The following ATG5 variants were observed in gnomAD, a reference collection of about 807,000 sequenced individuals.
ATG5 encodes the protein autophagy related 5.
ATG5 carries 14 observed loss-of-function variants against 36.5 expected under a neutral mutation model. That is an observed-to-expected ratio of 0.38 (90% CI 0.25 to 0.60). The LOEUF is 0.60. Ranked by LOEUF, ATG5 falls within the 20% of genes least tolerant of loss-of-function variation. The pLI is 0.60. For synonymous variants in ATG5, 95 were observed against 101.5 expected (o/e 0.94, Z 0.38); for missense variants, 195 against 326.7 (o/e 0.60, Z 3.11).
At position 106,240,255 on chromosome 6, in the gene ATG5, C is replaced by G. The variant is rs548305698; in HGVS notation, c.573+7895G>C. The stretch of plus-strand genomic sequence containing the variant: ...TTTTTTATATAGATATCATAAAAAT[C>G]AAGATGAATTATACAGTTATATTTT... On this transcript the variant is annotated intron_variant, in intron 6 of 7. Transcript: ENST00000369076. 9.3e-5 allele frequency among the ~76,000 whole-genome samples: 14 copies of G among 150,308 alleles called. No individual in the cohort carries two copies. In the East Asian group the frequency reaches 2.7e-3, roughly 29 times the overall value.
chr6:106,245,427 G>A (rs1778291061), intron 6 of ATG5, among the ~76,000 whole-genome samples: 1 of 152,148 alleles, frequency 6.6e-6, no homozygotes, highest in South Asian at 2.1e-4. Context: ...ACAAACAAAA[G>A]TCATAGTTTG....
chr6:106,220,520 T>C (rs967552087), intron 6 of ATG5, among the ~76,000 whole-genome samples: 2 of 152,190 alleles, frequency 1.3e-5, no homozygotes, highest in Admixed American at 1.3e-4. Context: ...GATAGGACAT[T>C]AGTCTTTGTA....
intron 6 of ATG5, among the ~76,000 whole-genome samples, chr6:106,214,678 T>C (rs1776974094): frequency 6.6e-6 from 1 of 152,316 alleles, no homozygotes; most frequent in Admixed American, 6.5e-5. Context: ...TACAAACACT[T>C]GAGGCAAATT....
At position 106,310,310 on chromosome 6, in the gene ATG5, C is replaced by T. The variant is rs565945548; in HGVS notation, c.109-1819G>A. On this transcript the variant is annotated intron_variant, in intron 2 of 7. Coordinates refer to ENST00000369076, the MANE Select transcript of ATG5 (RefSeq NM_004849.4). ...TGAAATGTAGCTGCAATTTTCTGTT[C>T]CGTTTGGCCTGTGGGAGTAATCTTT... Among the ~76,000 whole-genome samples the T allele has an allele frequency of 3.9e-5, 6 of 152,188 alleles. 1 individual carries two copies. The highest frequency in any genetic ancestry group is 3.9e-4 in the Admixed American group (6 of 15,284).
At chr6:106,316,633 C>T (rs1770861933) in intron 1 of ATG5, among the ~76,000 whole-genome samples, 1 of 152,170 alleles carries the variant, frequency 6.6e-6, no homozygotes, top group Non-Finnish European at 1.5e-5. Context: ...CAGTCCAACT[C>T]CAAAGGATCA....
Position 106,308,454 on chromosome 6 carries a change from G to GT in ATG5, c.145dup (p.Thr49AsnfsTer2). 1 of 1,595,982 alleles carries GT rather than the reference G, an allele frequency of 6.3e-7. No homozygotes were observed. The highest frequency in any genetic ancestry group is 8.5e-7 in the Non-Finnish European group (1 of 1,171,590). On this transcript the variant is annotated frameshift_variant, in exon 3 of 8. Transcript: ENST00000369076. LOFTEE classifies it high-confidence loss of function. ...CTGAAAGTGCTTTTTCACTTTGTCA[G>GT]TTACCAACGTCAAATAACTTACTCT...
chr6:106,199,689 T>C (rs777165607), intron 7 of ATG5, among the ~76,000 whole-genome samples: 6 of 152,186 alleles, frequency 3.9e-5, no homozygotes, highest in African/African-American at 7.2e-5. Flanking sequence ...ACTAAAACTC[T>C]TATTGAAAGC....
chr6:106,302,635 G>A (rs1770264692), intron 3 of ATG5, among the ~76,000 whole-genome samples: 1 of 151,984 alleles, frequency 6.6e-6, no homozygotes, highest in African/African-American at 2.4e-5. Flanking sequence ...GATGATGAGG[G>A]AATCAAGAGT....
chr6:106,227,313 G>A (rs1361694865), intron 6 of ATG5, among the ~76,000 whole-genome samples: 1 of 152,132 alleles, frequency 6.6e-6, no homozygotes, highest in Non-Finnish European at 1.5e-5. Context: ...AGAATGTCTG[G>A]GACCTGGAAT....
chr6:106,283,738 A>G (rs1442856696), intron 4 of ATG5: 1 of 152,176 alleles, frequency 6.6e-6, no homozygotes, highest in East Asian at 1.9e-4. Flanking sequence ...TATAGACTTC[A>G]CCAATGAAAC....
intron 6 of ATG5, among the ~76,000 whole-genome samples, chr6:106,231,714 A>G (rs1777700702): frequency 6.6e-6 from 1 of 152,160 alleles, no homozygotes; most frequent in African/African-American, 2.4e-5. Context: ...AGCTACAGAC[A>G]TTAGGAAAAA....
chr6:106,278,617 G>GTGGTTTTAATTTACATTTCCATGATGA (rs1779752211), intron 5 of ATG5, among the ~76,000 whole-genome samples: 2 of 152,158 alleles, frequency 1.3e-5, no homozygotes, highest in Admixed American at 1.3e-4. Flanking sequence ...GTCAGCTATT[G>GTGGTTTTAATTTACATTTCCATGATGA]CTTCCATAAC....
intron 5 of ATG5, among the ~76,000 whole-genome samples, chr6:106,261,665 A>G (rs1214020672): frequency 6.6e-6 from 1 of 152,214 alleles, no homozygotes; most frequent in Non-Finnish European, 1.5e-5. Flanking sequence ...ACTCCACATC[A>G]TTTCCCTCTA....
At chr6:106,243,597 G>A (rs1034765667) in intron 6 of ATG5, among the ~76,000 whole-genome samples, 8 of 150,514 alleles carry the variant, frequency 5.3e-5, no homozygotes, top group African/African-American at 2.0e-4. Context: ...TTGGGAGGCT[G>A]AGGCAGGTGG....
At chr6:106,272,595 A>G (rs569623530) in intron 5 of ATG5, among the ~76,000 whole-genome samples, 2 of 152,318 alleles carry the variant, frequency 1.3e-5, no homozygotes, top group South Asian at 2.1e-4. Flanking sequence ...TTATAAATGT[A>G]ACAATTACGT....
intron 7 of ATG5, among the ~76,000 whole-genome samples, chr6:106,191,361 A>G (rs1775961705): frequency 6.6e-6 from 1 of 152,052 alleles, no homozygotes; most frequent in Non-Finnish European, 1.5e-5. Context: ...TTGCTGATTT[A>G]TAACCCATGA....
chr6:106,252,939 G>C (rs982190925), intron 5 of ATG5, among the ~76,000 whole-genome samples: 2 of 152,208 alleles, frequency 1.3e-5, no homozygotes, highest in African/African-American at 2.4e-5. Flanking sequence ...AATCACTACA[G>C]AAGGGAACCC....
intron 6 of ATG5, among the ~76,000 whole-genome samples, chr6:106,243,080 C>T (rs1446808088): frequency 6.6e-6 from 1 of 152,128 alleles, no homozygotes; most frequent in African/African-American, 2.4e-5. Context: ...TCCTAGTTTC[C>T]ATTTTCAAAA....
chr6:106,251,668 G>GCGGAGAGAGGGAGAAGGGAGAGA (rs1562237634), intron 5 of ATG5, among the ~76,000 whole-genome samples: 1 of 37,844 alleles, frequency 2.6e-5, no homozygotes, highest in Non-Finnish European at 5.9e-5. Flanking sequence ...AGGAAGGGAG[G>GCGGAGAGAGGGAGAAGGGAGAGA]GGGAGGGGGA....
Sources: gnomAD v4.1 joint callset for allele counts (sites outside exome capture counted in the v4.1 genomes callset) on GRCh38, gnomAD v4.1.1 for gene constraint, MANE v1.5 for transcripts, NCBI Gene and HGNC (gene_info 2026-07-23, HGNC 2026-07-21) for gene names.